CNTNAP2: variants seen among roughly 807,000 people sequenced by gnomAD.
CNTNAP2 encodes the protein contactin associated protein 2, also known as contactin-associated protein-like 2.
In CNTNAP2, 98 loss-of-function variants were observed where a neutral mutation model predicts 155.2. The ratio of observed to expected loss-of-function variants is 0.63; its 90% confidence interval spans 0.54 to 0.75. The LOEUF is 0.75. Among genes scored for constraint, CNTNAP2 ranks in the 30% least tolerant of loss-of-function variants. The pLI is 0.00. For missense variants in CNTNAP2, 1,727 were observed against 1,688.1 expected (o/e 1.02, Z -0.40); for synonymous variants, 651 against 631.2 (o/e 1.03, Z -0.47).
intron 8 of CNTNAP2, among the ~76,000 whole-genome samples, chr7:147,211,655 A>C (rs762615293): frequency 6.6e-6 from 1 of 152,098 alleles, no homozygotes; most frequent in Non-Finnish European, 1.5e-5. Flanking sequence ...AAGTTAACTA[A>C]AGATAGATTA....
intron 3 of CNTNAP2, among the ~76,000 whole-genome samples, chr7:146,928,878 T>A (rs536055569): frequency 2.6e-5 from 4 of 152,124 alleles, no homozygotes; most frequent in East Asian, 3.9e-4. Flanking sequence ...GCAGGGAGGC[T>A]GGGGGAGGGG....
At chr7:146,162,779 T>C (rs1798244581) in intron 1 of CNTNAP2, among the ~76,000 whole-genome samples, 1 of 152,290 alleles carries the variant, frequency 6.6e-6, no homozygotes, top group East Asian at 1.9e-4. Flanking sequence ...AGTGATAGAC[T>C]GAATTAAGAA....
At chr7:146,898,108 A>C (rs1220101457) in intron 3 of CNTNAP2, among the ~76,000 whole-genome samples, 1 of 152,086 alleles carries the variant, frequency 6.6e-6, no homozygotes, top group Non-Finnish European at 1.5e-5. Context: ...ATCTTTTGAA[A>C]AGATAATGGA....
chr7:147,180,926 T>C (rs1161278779), intron 8 of CNTNAP2, among the ~76,000 whole-genome samples: 2 of 152,300 alleles, frequency 1.3e-5, no homozygotes, highest in East Asian at 1.9e-4. Context: ...AAATGGTTAA[T>C]ATAAAATTAA....
intron 3 of CNTNAP2, among the ~76,000 whole-genome samples, chr7:146,961,399 A>C (rs1797556450): frequency 6.6e-6 from 1 of 152,214 alleles, no homozygotes; most frequent in Non-Finnish European, 1.5e-5. Flanking sequence ...GGCAAATATT[A>C]ACAATTTTGC....
intron 13 of CNTNAP2, among the ~76,000 whole-genome samples, chr7:147,726,955 G>GT (rs544048615): frequency 6.6e-6 from 1 of 151,674 alleles, no homozygotes; most frequent in Admixed American, 6.6e-5. Flanking sequence ...AATTATATTA[G>GT]TTTTTTTGCT....
intron 1 of CNTNAP2, among the ~76,000 whole-genome samples, chr7:146,730,664 T>C (rs987983495): frequency 3.3e-5 from 5 of 152,176 alleles, no homozygotes; most frequent in Non-Finnish European, 7.3e-5. Context: ...TGGTTTCTGT[T>C]TTATTTACAT....
intron 4 of CNTNAP2, among the ~76,000 whole-genome samples, chr7:147,080,224 T>C (rs570586182): frequency 6.6e-6 from 1 of 152,172 alleles, no homozygotes. Context: ...CTGGAGGCAA[T>C]TAAGTATAAG....
intron 11 of CNTNAP2, among the ~76,000 whole-genome samples, chr7:147,555,426 A>G (rs73464920): frequency 0.034 from 5,250 of 152,308 alleles, 141 homozygotes; most frequent in African/African-American, 0.058. Flanking sequence ...AAGTATGTAC[A>G]AGTATATAGT....
chr7:146,819,792 G>A (rs530653687), intron 2 of CNTNAP2, among the ~76,000 whole-genome samples: 1 of 152,182 alleles, frequency 6.6e-6, no homozygotes, highest in South Asian at 2.1e-4. Context: ...TCTCAACTCA[G>A]AATGTCTAGA....
At chr7:146,690,207 G>A (rs1417241174) in intron 1 of CNTNAP2, among the ~76,000 whole-genome samples, 6 of 151,904 alleles carry the variant, frequency 3.9e-5, no homozygotes, top group Admixed American at 6.6e-5. Flanking sequence ...AATCCACAGC[G>A]TACTAACCAT....
At chr7:148,391,081 T>C (rs60064516) in intron 22 of CNTNAP2, among the ~76,000 whole-genome samples, 3,016 of 151,942 alleles carry the variant, frequency 0.02, 109 homozygotes, top group African/African-American at 0.067. Flanking sequence ...TCTATTTGGT[T>C]CTGGCACGCT....
intron 1 of CNTNAP2, among the ~76,000 whole-genome samples, chr7:146,298,282 T>C (rs184120891): frequency 2.6e-5 from 4 of 152,258 alleles, no homozygotes; most frequent in East Asian, 3.9e-4. Context: ...CTTCAAAAAG[T>C]CTATACTGTT....
chr7:147,000,444 AT>A (rs1354711601), intron 3 of CNTNAP2, among the ~76,000 whole-genome samples: 12 of 151,768 alleles, frequency 7.9e-5, no homozygotes, highest in Non-Finnish European at 1.5e-4. Context: ...ATTATTCTTG[AT>A]TTTTTTGGTC....
chr7:146,555,850 A>G (rs1367324956), intron 1 of CNTNAP2, among the ~76,000 whole-genome samples: 3 of 152,178 alleles, frequency 2.0e-5, no homozygotes, highest in Admixed American at 2.0e-4. Context: ...CTTCTCCAAC[A>G]TACACATTTT....
chr7:146,126,165 T>C (rs934313033), intron 1 of CNTNAP2, among the ~76,000 whole-genome samples: 1 of 152,206 alleles, frequency 6.6e-6, no homozygotes, highest in Non-Finnish European at 1.5e-5. Flanking sequence ...GTGGCATAGC[T>C]GGCTGAGAGT....
intron 13 of CNTNAP2, among the ~76,000 whole-genome samples, chr7:147,872,937 T>G (rs1799352474): frequency 6.6e-6 from 1 of 152,232 alleles, no homozygotes; most frequent in African/African-American, 2.4e-5. Flanking sequence ...CTCTTTAGAT[T>G]TATGCACAGA....
At chr7:147,461,135 T>G (rs1798015809) in intron 10 of CNTNAP2, among the ~76,000 whole-genome samples, 1 of 152,170 alleles carries the variant, frequency 6.6e-6, no homozygotes, top group Admixed American at 6.5e-5. Flanking sequence ...AAAGAAAACA[T>G]TTATAAGTGA....
chr7:148,225,847 G>A (rs922256982), intron 19 of CNTNAP2, among the ~76,000 whole-genome samples: 1 of 152,226 alleles, frequency 6.6e-6, no homozygotes, highest in East Asian at 1.9e-4. Context: ...GACAGTCAAG[G>A]CTTTTGGCAA....
Sources: allele counts gnomAD v4.1 joint callset (sites outside exome capture counted in the v4.1 genomes callset), GRCh38; gene constraint gnomAD v4.1.1; transcripts MANE v1.5; gene names NCBI Gene and HGNC (gene_info 2026-07-23, HGNC 2026-07-21).